Variants in AVL9 observed in about 807,000 individuals in gnomAD.
The protein encoded by AVL9 is AVL9 cell migration associated, also known as late secretory pathway protein AVL9 homolog.
In AVL9, 49 loss-of-function variants were observed where a neutral mutation model predicts 79.2. The observed-to-expected ratio is 0.62, with a 90% CI of 0.49 to 0.79. The LOEUF is 0.79. Ranked by LOEUF, AVL9 falls within the 30% of genes least tolerant of loss-of-function variation. The pLI is 0.00. For synonymous variants in AVL9, 299 were observed against 280.6 expected, an observed-to-expected ratio of 1.07 and a Z score of -0.65; for missense variants, 682 against 776.8, an observed-to-expected ratio of 0.88 and a Z score of 1.45.
At chr7:32,505,196 G>A (rs556838018) in intron 1 of AVL9, among the ~76,000 whole-genome samples, 8 of 151,490 alleles carry the variant, frequency 5.3e-5, no homozygotes, top group South Asian at 2.1e-4. Flanking sequence ...TTTATACTTC[G>A]TAATATATAT....
chr7:32,557,540 T>C (rs1364627247), intron 8 of AVL9, among the ~76,000 whole-genome samples: 2 of 152,228 alleles, frequency 1.3e-5, no homozygotes, highest in Admixed American at 1.3e-4. Flanking sequence ...TTTGTTTTGT[T>C]GTGGCTAGTT....
chr7:32,578,239 T>C (rs539337662), intron 13 of AVL9, among the ~76,000 whole-genome samples: 41 of 152,098 alleles, frequency 2.7e-4, no homozygotes, highest in Non-Finnish European at 5.6e-4. Context: ...AGAGAATTGA[T>C]GGTAAATGTT....
At chr7:32,553,836 C>G (rs1319969171) in intron 7 of AVL9, 69 bp downstream of exon 7, 2 of 1,098,744 alleles carry the variant, frequency 1.8e-6, no homozygotes, top group Non-Finnish European at 2.7e-6. Flanking sequence ...TCTTAGTGTG[C>G]TCATTTAACT....
intron 12 of AVL9, among the ~76,000 whole-genome samples, chr7:32,575,089 T>TTTTTTG: frequency 6.7e-6 from 1 of 149,470 alleles, no homozygotes; most frequent in South Asian, 2.1e-4. Context: ...TTTAAGACTT[T>TTTTTTG]TTTTGTTTTG....
At chr7:32,564,064 A>AGG (rs902328679) in intron 10 of AVL9, among the ~76,000 whole-genome samples, 2 of 152,124 alleles carry the variant, frequency 1.3e-5, no homozygotes, top group African/African-American at 2.4e-5. Context: ...TCTAATTTTT[A>AGG]CTATTGTGAA....
intron 1 of AVL9, among the ~76,000 whole-genome samples, chr7:32,498,866 A>G (rs1010765397): frequency 2.0e-5 from 3 of 151,372 alleles, no homozygotes; most frequent in Non-Finnish European, 4.4e-5. Context: ...AACATTTAAC[A>G]AGGGATACTA....
chr7:32,508,389 A>G (rs538481486), intron 1 of AVL9, among the ~76,000 whole-genome samples: 1 of 152,328 alleles, frequency 6.6e-6, no homozygotes, highest in South Asian at 2.1e-4. Flanking sequence ...TGTAGTATCC[A>G]CATTAAGAGA....
rs1413484776 is a variant in AVL9 at position 32,585,804 on chromosome 7, T to C, written c.*1897T>C. ...ATTAATTCCACTTCTTCCAAGAAAG[T>C]TAACCTCAGGAAATGCTGTTTGAAG... On this transcript the variant is annotated 3_prime_UTR_variant, in exon 16 of 16. Transcript: ENST00000318709. The C allele has an allele frequency of 6.6e-6, 1 of 152,100 alleles. No homozygotes were observed. The highest frequency in any genetic ancestry group is 1.5e-5 in the Non-Finnish European group (1 of 68,046). The allele number at this position is 152,100 out of a possible 1,614,324, so 9.4% of individuals were successfully genotyped here.
chr7:32,551,381 A>G lies in AVL9; in HGVS notation c.420A>G (p.Ala140=), dbSNP rs1467401404. ...CAAAACTTCAACTCATTACACATGC[A>G]TATTTTGAAGAGAAGGATTTTTCCC... is the stretch of plus-strand genomic sequence containing the variant. ...LQAKLQLITH[A]YFEEKDFSQI... The change falls in exon 5 of 16, where the codon GCA becomes GCG. Residue 140 remains alanine, a synonymous_variant. Transcript: ENST00000318709. 1.9e-6 allele frequency: 3 copies of G among 1,612,120 alleles called. No homozygotes were observed. The highest frequency in any genetic ancestry group is 3.3e-5 in the Admixed American group (2 of 59,984).
In AVL9 at chr7:32,559,103, A is replaced by G. The variant is rs746422662; in HGVS notation, c.854A>G (p.His285Arg). The G allele has an allele frequency of 2.8e-5, 45 of 1,613,970 alleles. No individual in the cohort carries two copies. Among genetic ancestry groups the G allele is most frequent in the Non-Finnish European group, 3.6e-5 (42 of 1,179,982 alleles). The change falls in exon 10 of 16, where the codon CAT becomes CGT. Residue 285 changes from histidine (H) to arginine (R), a missense_variant. His to Arg is a conservative substitution (Grantham distance 29). Transcript: ENST00000318709. The stretch of plus-strand genomic sequence containing the variant: ...ATCAGGAAAGTCATGGCAGGAAACC[A>G]TGGAGAAGATGCTGCCATGAAGACT... ...GTIRKVMAGN[H>R]GEDAAMKTEE...
At position 32,583,911 on chromosome 7, in the gene AVL9, A is replaced by G; in HGVS notation, c.*4A>G. On this transcript the variant is annotated 3_prime_UTR_variant, in exon 16 of 16. Transcript: ENST00000318709. ...GCCACCAGATGAGAAGCCTTGAGCAAGGCGTCAGAGGCTGCTATTGCTTTC... is the reference window on the plus strand; with the variant it reads ...GCCACCAGATGAGAAGCCTTGAGCAGGGCGTCAGAGGCTGCTATTGCTTTC... The G allele has an allele frequency of 6.2e-7, 1 of 1,600,508 alleles. No individual in the cohort carries two copies. The highest frequency in any genetic ancestry group is 2.2e-5 in the East Asian group (1 of 44,798).
chr7:32,505,894 A>T (rs1444228139), intron 1 of AVL9, among the ~76,000 whole-genome samples: 2 of 152,172 alleles, frequency 1.3e-5, no homozygotes, highest in Admixed American at 6.5e-5. Context: ...ATATTTATGT[A>T]CTGAGAGCAT....
At chr7:32,517,908 T>C (rs543087685) in intron 1 of AVL9, among the ~76,000 whole-genome samples, 9 of 152,074 alleles carry the variant, frequency 5.9e-5, no homozygotes, top group Non-Finnish European at 1.2e-4. Flanking sequence ...CTTGGCTCAC[T>C]GCAACCTCTA....
intron 4 of AVL9, among the ~76,000 whole-genome samples, chr7:32,549,419 G>A (rs1350961754): frequency 6.6e-6 from 1 of 151,438 alleles, no homozygotes; most frequent in Non-Finnish European, 1.5e-5. Context: ...TAGAGACGAG[G>A]TTTTACCATG....
At chr7:32,544,283 A>G (rs1321175251) in intron 2 of AVL9, among the ~76,000 whole-genome samples, 2 of 152,224 alleles carry the variant, frequency 1.3e-5, no homozygotes, top group Non-Finnish European at 2.9e-5. Context: ...GAGATGTAAC[A>G]GTAATTTCAT....
chr7:32,518,188 A>G (rs978411141), intron 1 of AVL9, among the ~76,000 whole-genome samples: 1 of 152,194 alleles, frequency 6.6e-6, no homozygotes, highest in Non-Finnish European at 1.5e-5. Flanking sequence ...AAATAACCAA[A>G]TCTTGAATTA....
At chr7:32,571,940 G>A (rs1168157361) in intron 11 of AVL9, among the ~76,000 whole-genome samples, 1 of 152,114 alleles carries the variant, frequency 6.6e-6, no homozygotes, top group Non-Finnish European at 1.5e-5. Flanking sequence ...AAGGTGGGCG[G>A]GTCACAAGGT....
chr7:32,525,942 G>C (rs538719787), intron 1 of AVL9, among the ~76,000 whole-genome samples: 1 of 152,170 alleles, frequency 6.6e-6, no homozygotes, highest in East Asian at 1.9e-4. Flanking sequence ...ATTGTAGGGT[G>C]AGTAGGGCAG....
At chr7:32,548,954 C>G (rs766869886) in intron 4 of AVL9, 36 bp downstream of exon 4, 29 of 1,366,800 alleles carry the variant, frequency 2.1e-5, no homozygotes, top group Non-Finnish European at 2.7e-5. Flanking sequence ...TATGTTAAAC[C>G]TTCATGGCAG....
Sources: gnomAD v4.1 joint callset for allele counts (sites outside exome capture counted in the v4.1 genomes callset) on GRCh38, gnomAD v4.1.1 for gene constraint, MANE v1.5 for transcripts, NCBI Gene and HGNC (gene_info 2026-07-23, HGNC 2026-07-21) for gene names.